Variants in MEF2D observed in about 807,000 individuals in gnomAD.
The protein encoded by MEF2D is myocyte-specific enhancer factor 2D.
A neutral mutation model predicts 59.3 loss-of-function variants in MEF2D; 10 were observed. That is an observed-to-expected ratio of 0.17 (90% confidence interval 0.10 to 0.29). MEF2D has a LOEUF of 0.29. Among genes scored for constraint, MEF2D ranks in the 10% least tolerant of loss-of-function variants. The pLI is 1.00. For missense variants in MEF2D, 508 were observed against 699.4 expected (o/e 0.73, Z 3.09); for synonymous variants, 305 against 295.0 (o/e 1.03, Z -0.35).
At chr1:156,471,420 C>T (rs910771333) in intron 9 of MEF2D, among the ~76,000 whole-genome samples, 11 of 152,210 alleles carry the variant, frequency 7.2e-5, no homozygotes, top group Non-Finnish European at 1.5e-4. Context: ...TGAGCCACCG[C>T]GCCCGGCCAG....
At chr1:156,500,148 C>A (rs994346355) in intron 1 of MEF2D, among the ~76,000 whole-genome samples, 1 of 152,126 alleles carries the variant, frequency 6.6e-6, no homozygotes, top group South Asian at 2.1e-4. Flanking sequence ...GATGGCGCCC[C>A]GTCCCAGACC....
At position 156,467,257 on chromosome 1, in the gene MEF2D, T is replaced by C. The variant is rs1346013976; in HGVS notation, c.*388A>G. The C allele has an allele frequency of 1.3e-5, 1 of 77,698 alleles. No homozygotes were observed. Among genetic ancestry groups the C allele is most frequent in the South Asian group, 4.0e-4 (1 of 2,496 alleles). 4.8% of individuals were successfully genotyped at this position (77,698 alleles called of 1,614,324 possible). A position where few individuals can be genotyped will look rare whatever the true frequency, so the allele number is the denominator to read the frequency against. On this transcript the variant is annotated 3_prime_UTR_variant, in exon 12 of 12. Transcript: ENST00000348159. ...TATTTCCCTCTATCTGGGGGTGGGG[T>C]GGGAGGGCTCCACATGCAGGGCTCG... is the stretch of plus-strand genomic sequence containing the variant.
chr1:156,490,136 G>A (rs1423433278), intron 1 of MEF2D, among the ~76,000 whole-genome samples: 2 of 152,122 alleles, frequency 1.3e-5, no homozygotes, highest in Non-Finnish European at 2.9e-5. Flanking sequence ...CAAGGCAGGA[G>A]CCTCACATTG....
At chr1:156,498,855 T>C (rs1673303564) in intron 1 of MEF2D, among the ~76,000 whole-genome samples, 1 of 152,018 alleles carries the variant, frequency 6.6e-6, no homozygotes, top group Non-Finnish European at 1.5e-5. Flanking sequence ...ACTCCCACAA[T>C]AGTCCTACCC....
Position 156,468,105 on chromosome 1 carries a change from C to G in MEF2D, c.1442G>C (p.Gly481Ala). 1.2e-6 allele frequency: 2 copies of G among 1,614,062 alleles called. No homozygotes were observed. Among genetic ancestry groups the G allele is most frequent in the East Asian group, 2.2e-5 (1 of 44,862 alleles). The change falls in exon 11 of 12, where the codon GGA (glycine) becomes GCA (alanine). Residue 481 changes from glycine to alanine, a missense_variant. Physicochemically the swap from Gly to Ala is moderately conservative, Grantham distance 60. Around this residue, in one of 2 missense-constraint regions of MEF2D, gnomAD observed 481 missense variants for 584.7 expected, o/e 0.82. Transcript: ENST00000348159. The surrounding 1 kb of genome is among the most constrained non-coding windows in gnomAD (Gnocchi z 4.3). ...GTCCCCCCGTCCGTCATCCCGGTCT[C>G]CCGTCTCATAGGATCCCCCGGCTGG... ...SSPAGGSYET[G>A]DRDDGRGDFG...
chr1:156,488,975 T>C (rs913713119), intron 1 of MEF2D, among the ~76,000 whole-genome samples: 3 of 152,264 alleles, frequency 2.0e-5, no homozygotes, highest in African/African-American at 4.8e-5. Context: ...CCCATCCTAG[T>C]GGTCCCAAGG....
intron 1 of MEF2D, among the ~76,000 whole-genome samples, chr1:156,493,602 G>A (rs1672949735): frequency 6.6e-6 from 1 of 152,180 alleles, no homozygotes; most frequent in South Asian, 2.1e-4. Flanking sequence ...ACCTGCACAA[G>A]GCTATGCAGA....
chr1:156,484,447 A>C (rs1672218867), intron 1 of MEF2D, among the ~76,000 whole-genome samples: 1 of 152,222 alleles, frequency 6.6e-6, no homozygotes, highest in South Asian at 2.1e-4. Flanking sequence ...ATTTACAAAA[A>C]TGGGCATGGG....
intron 4 of MEF2D, among the ~76,000 whole-genome samples, chr1:156,480,251 C>T (rs757304907): frequency 1.2e-4 from 19 of 152,060 alleles, no homozygotes; most frequent in Admixed American, 2.6e-4. Flanking sequence ...CTCACCCCCA[C>T]CTCGCTGCCT....
Position 156,468,899 on chromosome 1 carries a change from TGGCTGCTGC to T in MEF2D, c.1119_1127del (p.Gln375_Gln377del), listed in dbSNP as rs1557875601. 22 of 1,613,302 alleles carry T rather than the reference TGGCTGCTGC, an allele frequency of 1.4e-5. No homozygotes were observed. Among genetic ancestry groups the T allele is most frequent in the Admixed American group, 3.3e-5 (2 of 60,000 alleles). ...GCGGTGGCTGCTGCTGTGGAGGCTGTGGCTGCTGCGGCTGCTGGGGCTGCTGTGGCTGTT... is the reference window on the plus strand; with the variant it reads ...GCGGTGGCTGCTGCTGTGGAGGCTGTGGCTGCTGGGGCTGCTGTGGCTGTT... On this transcript the variant is annotated inframe_deletion, in exon 10 of 12. Transcript: ENST00000348159. This position sits in a 1 kb window ranked among gnomAD's most constrained non-coding sequence, Gnocchi z 4.3.
At chr1:156,474,519 TA>T (rs1197261981) in intron 9 of MEF2D, among the ~76,000 whole-genome samples, 1 of 152,194 alleles carries the variant, frequency 6.6e-6, no homozygotes, top group Non-Finnish European at 1.5e-5. Context: ...CATAATTTGT[TA>T]GCATGAGTAT....
chr1:156,482,112 C>T (rs1672059477), intron 3 of MEF2D, among the ~76,000 whole-genome samples: 1 of 152,158 alleles, frequency 6.6e-6, no homozygotes, highest in Non-Finnish European at 1.5e-5. Context: ...GAAAGAGAGA[C>T]AAAGAGAAAG....
intron 9 of MEF2D, among the ~76,000 whole-genome samples, chr1:156,474,253 A>G (rs530312812): frequency 6.6e-6 from 1 of 152,342 alleles, no homozygotes; most frequent in East Asian, 1.9e-4. Context: ...GTTTGAGACC[A>G]GCCCAGGCAA....
chr1:156,468,002 AAGCC>A lies in MEF2D; in HGVS notation c.1541_1544del (p.Arg514LeufsTer6). On this transcript the variant is annotated frameshift_variant, in exon 11 of 12. Coordinates refer to ENST00000348159, the MANE Select transcript of MEF2D (RefSeq NM_005920.4). LOFTEE classifies it high-confidence loss of function. The surrounding 1 kb of genome is among the most constrained non-coding windows in gnomAD (Gnocchi z 4.3). ...GGTGATGCTACAGTACCCAGGTATC[AAGCC>A]GCATCCTCTTCACAGCTGAGCCCTC... 6.2e-7 allele frequency: 1 copy of A among 1,612,038 alleles called. No individual in the cohort carries two copies. The highest frequency in any genetic ancestry group is 8.5e-7 in the Non-Finnish European group (1 of 1,179,366).
At position 156,480,981 on chromosome 1, in the gene MEF2D, C is replaced by T. The variant is rs374908375; in HGVS notation, c.259-10G>A. On this transcript the variant is annotated splice_polypyrimidine_tract_variant and intron_variant, in intron 3 of 11. Coordinates refer to ENST00000348159, the MANE Select transcript of MEF2D (RefSeq NM_005920.4). Reference sequence around the variant, plus strand: ...CCTTCTTCCTCAGGGTCTGTAACCGCACCACTGCCATCAGCTGGGTGAGAG... The same window carrying T: ...CCTTCTTCCTCAGGGTCTGTAACCGTACCACTGCCATCAGCTGGGTGAGAG... The T allele has an allele frequency of 3.7e-6, 6 of 1,611,564 alleles. No individual in the cohort carries two copies. In the South Asian group the frequency reaches 6.6e-5, roughly 18 times the overall value.
intron 1 of MEF2D, among the ~76,000 whole-genome samples, chr1:156,484,607 T>G (rs1198252198): frequency 6.6e-6 from 1 of 152,134 alleles, no homozygotes; most frequent in South Asian, 2.1e-4. Context: ...TGACATACAC[T>G]GGGGAGGCCA....
intron 1 of MEF2D, among the ~76,000 whole-genome samples, chr1:156,495,326 G>A (rs891145363): frequency 1.3e-5 from 2 of 151,974 alleles, no homozygotes; most frequent in African/African-American, 4.8e-5. Flanking sequence ...TCATAACTAG[G>A]AAAGCTTAAA....
chr1:156,476,751 A>G (rs1671632357), intron 7 of MEF2D, among the ~76,000 whole-genome samples: 1 of 152,144 alleles, frequency 6.6e-6, no homozygotes, highest in Admixed American at 6.5e-5. Context: ...TATAGTGGCA[A>G]ATCCTTTCTA....
chr1:156,483,087 G>T, intron 2 of MEF2D, 152 bp downstream of exon 2: 1 of 803,218 alleles, frequency 1.2e-6, no homozygotes. Context: ...CGAAGAGGTT[G>T]GGGTTCCTCT....
Sources: allele counts gnomAD v4.1 joint callset (sites outside exome capture counted in the v4.1 genomes callset), GRCh38; gene constraint gnomAD v4.1.1; regional missense constraint gnomAD v4.1.1; non-coding constraint Gnocchi (gnomAD v3.1); transcripts MANE v1.5; gene names NCBI Gene and HGNC (gene_info 2026-07-23, HGNC 2026-07-21).